AGO2: variants seen among roughly 807,000 people sequenced by gnomAD.
AGO2 encodes argonaute RISC catalytic component 2, also known as protein argonaute-2.
Under a neutral mutation model 102.3 loss-of-function variants are expected in AGO2, and 5 were observed. That is an observed-to-expected ratio of 0.05 (90% CI 0.03 to 0.10). The LOEUF (loss-of-function observed/expected upper bound fraction) is 0.10, where lower values mean the gene tolerates loss of function less well. Ranked by LOEUF, AGO2 falls within the 10% of genes least tolerant of loss-of-function variation. The pLI is 1.00. For synonymous variants in AGO2, 449 were observed against 473.1 expected, an observed-to-expected ratio of 0.95 and a Z score of 0.66; for missense variants, 541 against 1,183.7, an observed-to-expected ratio of 0.46 and a Z score of 7.97.
chr8:140,593,062 T>G (rs2073767026), intron 1 of AGO2: 1 of 152,280 alleles, frequency 6.6e-6, no homozygotes. Context: ...ATGTGACATC[T>G]CTTGTACTTC....
chr8:140,556,378 GCTTGGGACCGTCT>G, intron 8 of AGO2, 92 bp from the exon 9 acceptor site: 1 of 1,526,060 alleles, frequency 6.6e-7, no homozygotes, highest in Non-Finnish European at 8.9e-7. Context: ...GCCTGGCTCT[GCTTGGGACCGTCT>G]CTGCCTCATC....
In AGO2 at chr8:140,632,601, G is replaced by A. The variant is rs556653579; in HGVS notation, c.22+2884C>T. ...AACCATAAGAGACAATATCCTGGGG[G>A]CAGGCAATCACTAGACACAGATCAA... On this transcript the variant is annotated intron_variant, in intron 1 of 18. Coordinates refer to ENST00000220592, the MANE Select transcript of AGO2 (RefSeq NM_012154.5). Among the ~76,000 whole-genome samples the A allele has an allele frequency of 4.8e-4, 73 of 152,322 alleles. 1 individual carries two copies. In the South Asian group the frequency reaches 0.015, roughly 31 times the overall value.
At chr8:140,581,763 A>C (rs914011737) in intron 2 of AGO2, among the ~76,000 whole-genome samples, 4 of 152,238 alleles carry the variant, frequency 2.6e-5, no homozygotes, top group African/African-American at 9.6e-5. Context: ...GGTTTTAGTA[A>C]GTGCATATTT....
At position 140,556,606 on chromosome 8, in the gene AGO2, C is replaced by T. The variant is rs556240810; in HGVS notation, c.1027-320G>A. 5.7e-4 allele frequency among the ~76,000 whole-genome samples: 87 copies of T among 152,252 alleles called. 1 individual carries two copies. In the South Asian group the frequency reaches 6.6e-3, roughly 12 times the overall value. On this transcript the variant is annotated intron_variant, in intron 8 of 18. Coordinates refer to ENST00000220592, the MANE Select transcript of AGO2 (RefSeq NM_012154.5). ...CTCTCCAGTCTTCGGTGGCTGCGGGCGTGAAAGCAGCTGCAGGTGCGAAAG... is the reference window on the plus strand; with the variant it reads ...CTCTCCAGTCTTCGGTGGCTGCGGGTGTGAAAGCAGCTGCAGGTGCGAAAG...
Position 140,531,967 on chromosome 8 carries a change from G to T in AGO2, c.*77C>A. The T allele has an allele frequency of 8.0e-7, 1 of 1,253,014 alleles. No individual in the cohort carries two copies. The highest frequency in any genetic ancestry group is 1.2e-6 in the Non-Finnish European group (1 of 859,046). The allele number at this position is 1,253,014 out of a possible 1,614,324, so 77.6% of individuals were successfully genotyped here. On this transcript the variant is annotated 3_prime_UTR_variant, in exon 19 of 19. Transcript: ENST00000220592. ...GTTCGATGCTGGCTGTCACGGAAGG[G>T]CTGGCCATCTGTTGGTCTGAGTGTA...
chr8:140,573,400 A>T (rs1431853990), intron 2 of AGO2, among the ~76,000 whole-genome samples: 1 of 151,864 alleles, frequency 6.6e-6, no homozygotes, highest in Admixed American at 6.6e-5. Context: ...GCTGGTCTCA[A>T]ACTCCCAACC....
intron 17 of AGO2, 158 bp downstream of exon 17, chr8:140,535,310 G>C: frequency 3.9e-5 from 24 of 609,166 alleles, no homozygotes; most frequent in East Asian, 6.9e-5. Context: ...CCCCACCCCA[G>C]CGCCTGGCAC....
In AGO2 at chr8:140,547,329, T is replaced by C. The variant is rs574590739; in HGVS notation, c.1748+139A>G. 1.0e-4 allele frequency: 110 copies of C among 1,100,964 alleles called. 2 individuals carry two copies. The South Asian group carries it at 1.7e-3, about 17-fold the overall frequency. The allele number at this position is 1,100,964 out of a possible 1,614,324, so 68.2% of individuals were successfully genotyped here. On this transcript the variant is annotated intron_variant, in intron 13 of 18. Transcript: ENST00000220592. ...GCAGCCAGATCTATGTCTGACATCT[T>C]TGCTCTGCTGTGGCCAGGACGGTGC... is the stretch of plus-strand genomic sequence containing the variant.
At chr8:140,634,760 G>A (rs1418760960) in intron 1 of AGO2, among the ~76,000 whole-genome samples, 1 of 152,222 alleles carries the variant, frequency 6.6e-6, no homozygotes, top group Non-Finnish European at 1.5e-5. Flanking sequence ...TCTGGAATGA[G>A]AACGAGCCGC....
At chr8:140,625,789 T>A (rs1403536143) in intron 1 of AGO2, among the ~76,000 whole-genome samples, 1 of 152,158 alleles carries the variant, frequency 6.6e-6, no homozygotes, top group Admixed American at 6.5e-5. Context: ...TCCAGGAGAA[T>A]GCTCTGCACT....
rs2072475508 is a variant in AGO2 at position 140,524,945 on chromosome 8, G to A, written c.*7099C>T. ...ACGTCCAGTTCCTGGAGACACTTGGGGGAAAGAGTTAATATTTGGTGTTTT... is the reference window on the plus strand; with the variant it reads ...ACGTCCAGTTCCTGGAGACACTTGGAGGAAAGAGTTAATATTTGGTGTTTT... On this transcript the variant is annotated 3_prime_UTR_variant, in exon 19 of 19. Transcript: ENST00000220592. The A allele has an allele frequency of 1.3e-5, 2 of 152,122 alleles. No individual in the cohort carries two copies. Among genetic ancestry groups the A allele is most frequent in the African/African-American group, 4.8e-5 (2 of 41,428 alleles). The allele number at this position is 152,122 out of a possible 1,614,324, so 9.4% of individuals were successfully genotyped here. A position where few individuals can be genotyped will look rare whatever the true frequency, so the allele number is the denominator to read the frequency against.
rs779866243 is a variant in AGO2 at position 140,549,208 on chromosome 8, C to T, written c.1494G>A (p.Ala498=). ...QPCFCKYAQG[A]DSVEPMFRHL... is the part of the protein sequence containing the mutation. ...GCCGGAACATGGGCTCCACGCTGTCCGCCCCCTGCGCGTATTTGCAGAAGC... is the reference window on the plus strand; with the variant it reads ...GCCGGAACATGGGCTCCACGCTGTCTGCCCCCTGCGCGTATTTGCAGAAGC... The change falls in exon 12 of 19, where the codon GCG becomes GCA. Residue 498 remains alanine, a synonymous_variant. Coordinates refer to ENST00000220592, the MANE Select transcript of AGO2 (RefSeq NM_012154.5). The T allele has an allele frequency of 1.3e-4, 202 of 1,613,698 alleles. 1 individual carries two copies. The East Asian group carries it at 3.3e-3, about 27-fold the overall frequency.
intron 4 of AGO2, among the ~76,000 whole-genome samples, chr8:140,561,816 C>T (rs181704835): frequency 9.0e-4 from 137 of 152,350 alleles, no homozygotes; most frequent in Non-Finnish European, 1.5e-3. Context: ...AGAGATGAAA[C>T]TTGAAAACTC....
intron 1 of AGO2, among the ~76,000 whole-genome samples, chr8:140,625,030 C>T (rs1245983651): frequency 6.6e-6 from 1 of 152,154 alleles, no homozygotes; most frequent in Admixed American, 6.5e-5. Flanking sequence ...TCCACCCCAC[C>T]CTCTTGGTCT....
intron 1 of AGO2, among the ~76,000 whole-genome samples, chr8:140,612,646 G>A (rs946505049): frequency 9.2e-5 from 14 of 151,538 alleles, no homozygotes; most frequent in Non-Finnish European, 1.8e-4. Flanking sequence ...CCAGCTACTC[G>A]GAGGTTGAGG....
intron 4 of AGO2, among the ~76,000 whole-genome samples, chr8:140,561,726 C>T (rs1275589603): frequency 6.6e-6 from 1 of 152,260 alleles, no homozygotes; most frequent in Non-Finnish European, 1.5e-5. Flanking sequence ...AGCCCCAACT[C>T]TCTCCTGGAA....
At chr8:140,582,297 G>C (rs2073569600) in intron 2 of AGO2, among the ~76,000 whole-genome samples, 1 of 152,132 alleles carries the variant, frequency 6.6e-6, no homozygotes, top group African/African-American at 2.4e-5. Context: ...TATACAGGTT[G>C]AGCACCCCTA....
chr8:140,564,184 C>T (rs193034267), intron 3 of AGO2, among the ~76,000 whole-genome samples: 18 of 152,312 alleles, frequency 1.2e-4, no homozygotes, highest in Admixed American at 3.3e-4. Flanking sequence ...CGCCGCAGCA[C>T]GATTCCTTCC....
chr8:140,633,371 C>T (rs561583876), intron 1 of AGO2, among the ~76,000 whole-genome samples: 1 of 152,156 alleles, frequency 6.6e-6, no homozygotes, highest in African/African-American at 2.4e-5. Context: ...TGGGTTCATT[C>T]CCATCCTGCC....
Sources: allele counts gnomAD v4.1 joint callset (sites outside exome capture counted in the v4.1 genomes callset), GRCh38; gene constraint gnomAD v4.1.1; transcripts MANE v1.5; gene names NCBI Gene and HGNC (gene_info 2026-07-23, HGNC 2026-07-21).